Variants in FTCDNL1 observed in about 807,000 individuals in gnomAD.
The protein encoded by FTCDNL1 is formiminotransferase cyclodeaminase N-terminal like, also known as formiminotransferase N-terminal subdomain-containing protein.
FTCDNL1 carries 11 observed loss-of-function variants against 5.9 expected under a neutral mutation model. The ratio of observed to expected loss-of-function variants is 1.87; its 90% confidence interval spans 1.18 to 3.10. FTCDNL1 has a LOEUF of 3.10. Ranked by LOEUF, FTCDNL1 falls within the 30% of genes most tolerant of loss-of-function variation. The pLI, the probability that FTCDNL1 is intolerant of heterozygous loss-of-function variation, is 0.00. For synonymous variants in FTCDNL1, 58 were observed against 24.8 expected (o/e 2.34, Z -3.99); for missense variants, 115 against 65.5 (o/e 1.76, Z -2.61).
chr2:199,723,107 C>T, the FTCDNL1 span, among the ~76,000 whole-genome samples: 1 of 151,928 alleles, frequency 6.6e-6, no homozygotes, highest in Admixed American at 6.6e-5. Flanking sequence ...TGATACTCTC[C>T]CTCCCCCTGC....
At chr2:199,845,710 T>A (rs571260592) in intron 3 of FTCDNL1, among the ~76,000 whole-genome samples, 1 of 152,232 alleles carries the variant, frequency 6.6e-6, no homozygotes, top group East Asian at 1.9e-4. Flanking sequence ...ATGCACTGCT[T>A]AGCATGTTTC....
the FTCDNL1 span, among the ~76,000 whole-genome samples, chr2:199,751,334 C>T: frequency 2.0e-5 from 3 of 152,178 alleles, no homozygotes; most frequent in African/African-American, 4.8e-5. Flanking sequence ...ATCTTCAGAA[C>T]CAGGGACACG....
chr2:199,726,617 GCTTT>G, the FTCDNL1 span, among the ~76,000 whole-genome samples: 1 of 152,074 alleles, frequency 6.6e-6, no homozygotes, highest in Non-Finnish European at 1.5e-5. Flanking sequence ...TGTTGTTGTT[GCTTT>G]CTGTTTGTTT....
At chr2:199,801,631 G>C (rs1158551361) in intron 3 of FTCDNL1, among the ~76,000 whole-genome samples, 1 of 151,974 alleles carries the variant, frequency 6.6e-6, no homozygotes, top group Non-Finnish European at 1.5e-5. Flanking sequence ...CTCCAGCCTG[G>C]GTAACAGAGT....
At chr2:199,842,993 G>C (rs1029786258) in intron 3 of FTCDNL1, among the ~76,000 whole-genome samples, 1 of 151,728 alleles carries the variant, frequency 6.6e-6, no homozygotes, top group African/African-American at 2.4e-5. Context: ...GAACAGCTGT[G>C]TAGAAAAGGG....
chr2:199,765,313 T>A (rs1698462768), intron 3 of FTCDNL1, among the ~76,000 whole-genome samples: 1 of 151,698 alleles, frequency 6.6e-6, no homozygotes, highest in East Asian at 1.9e-4. Context: ...GTGGGGGGAA[T>A]GTTGATAATG....
chr2:199,664,967 C>T, the FTCDNL1 span, among the ~76,000 whole-genome samples: 1 of 152,150 alleles, frequency 6.6e-6, no homozygotes, highest in African/African-American at 2.4e-5. Flanking sequence ...CTTTACTATG[C>T]CCATAAAGGG....
chr2:199,804,060 G>A (rs1468190872), intron 3 of FTCDNL1, among the ~76,000 whole-genome samples: 1 of 152,170 alleles, frequency 6.6e-6, no homozygotes, highest in African/African-American at 2.4e-5. Context: ...ATATCATGAA[G>A]ATGAACTACT....
intron 4 of FTCDNL1, chr2:199,818,296 G>A (rs186578000): frequency 6.6e-6 from 1 of 152,284 alleles, no homozygotes; most frequent in East Asian, 1.9e-4. Context: ...GAAAATATGT[G>A]AGGTTCAAAT....
chr2:199,696,269 TG>T, the FTCDNL1 span, among the ~76,000 whole-genome samples: 1 of 152,226 alleles, frequency 6.6e-6, no homozygotes, highest in Non-Finnish European at 1.5e-5. Context: ...ACCACCCTGC[TG>T]CCACTGGCAC....
downstream of FTCDNL1, among the ~76,000 whole-genome samples, chr2:199,806,405 C>T (rs544917283): frequency 7.2e-5 from 11 of 152,220 alleles, no homozygotes; most frequent in South Asian, 8.3e-4. Flanking sequence ...CAGTGGAGCA[C>T]GTACCCTGTC....
At chr2:199,798,158 A>G (rs1700263420) in intron 3 of FTCDNL1, among the ~76,000 whole-genome samples, 1 of 152,224 alleles carries the variant, frequency 6.6e-6, no homozygotes, top group Admixed American at 6.5e-5. Flanking sequence ...ATGTAACTCA[A>G]CTTGATGCAA....
the FTCDNL1 span, among the ~76,000 whole-genome samples, chr2:199,714,221 A>G: frequency 1.3e-5 from 2 of 152,206 alleles, no homozygotes; most frequent in African/African-American, 4.8e-5. Context: ...GATAGGCTCC[A>G]GCAATGCAGA....
At chr2:199,824,395 A>C (rs1448449589) in intron 3 of FTCDNL1, among the ~76,000 whole-genome samples, 1 of 152,218 alleles carries the variant, frequency 6.6e-6, no homozygotes, top group Non-Finnish European at 1.5e-5. Flanking sequence ...CCAGACCACT[A>C]AAACTTTCTT....
intron 3 of FTCDNL1, chr2:199,844,528 A>G (rs796341267): frequency 1.7e-5 from 10 of 586,390 alleles, no homozygotes; most frequent in African/African-American, 1.5e-4. Context: ...CCAGAACAGA[A>G]CTGCCTAAAA....
At chr2:199,695,166 T>G in the FTCDNL1 span, among the ~76,000 whole-genome samples, 2 of 152,234 alleles carry the variant, frequency 1.3e-5, no homozygotes, top group Non-Finnish European at 2.9e-5. Context: ...ATGTTTCATT[T>G]CTAGTAGAAA....
chr2:199,798,673 G>A (rs981517531), intron 3 of FTCDNL1, among the ~76,000 whole-genome samples: 1 of 152,168 alleles, frequency 6.6e-6, no homozygotes, highest in Non-Finnish European at 1.5e-5. Context: ...TTGACTTTCA[G>A]AACAAGAAAG....
the FTCDNL1 span, among the ~76,000 whole-genome samples, chr2:199,706,649 C>G: frequency 6.6e-6 from 1 of 152,172 alleles, no homozygotes; most frequent in African/African-American, 2.4e-5. Context: ...GATGGCAAGG[C>G]CATTGGTTAC....
the FTCDNL1 span, among the ~76,000 whole-genome samples, chr2:199,717,851 T>G: frequency 4.6e-5 from 7 of 151,922 alleles, no homozygotes; most frequent in South Asian, 1.2e-3. Context: ...CCAGTTATTT[T>G]CAAAGAACAA....
Sources: allele counts gnomAD v4.1 joint callset (sites outside exome capture counted in the v4.1 genomes callset), GRCh38; gene constraint gnomAD v4.1.1; transcripts MANE v1.5; gene names NCBI Gene and HGNC (gene_info 2026-07-23, HGNC 2026-07-21).